The following CTDSPL variants were observed in gnomAD, a reference collection of about 807,000 sequenced individuals.
The protein encoded by CTDSPL is CTD small phosphatase-like protein.
Under a neutral mutation model 30.5 loss-of-function variants are expected in CTDSPL, and 8 were observed. The ratio of observed to expected loss-of-function variants is 0.26; its 90% CI spans 0.15 to 0.47. The LOEUF (loss-of-function observed/expected upper bound fraction) is 0.47, where lower values mean the gene tolerates loss of function less well. Among genes scored for constraint, CTDSPL ranks in the 20% least tolerant of loss-of-function variants. The pLI is 0.99. For missense variants in CTDSPL, 248 were observed against 366.1 expected, an observed-to-expected ratio of 0.68 and a Z score of 2.63; for synonymous variants, 110 against 137.9, an observed-to-expected ratio of 0.80 and a Z score of 1.42.
At chr3:37,917,860 G>C (rs1241064211) in intron 1 of CTDSPL, among the ~76,000 whole-genome samples, 2 of 152,258 alleles carry the variant, frequency 1.3e-5, no homozygotes, top group South Asian at 2.1e-4. Context: ...TTTGACAGCA[G>C]ATATCGGAGA....
intron 1 of CTDSPL, among the ~76,000 whole-genome samples, chr3:37,881,321 G>A (rs1373841777): frequency 1.3e-5 from 2 of 152,012 alleles, no homozygotes; most frequent in Non-Finnish European, 2.9e-5. Context: ...TTGAGGTTAG[G>A]AGCTCAAGAC....
intron 1 of CTDSPL, among the ~76,000 whole-genome samples, chr3:37,899,791 G>C (rs111896846): frequency 0.012 from 1,753 of 152,308 alleles, 19 homozygotes; most frequent in Non-Finnish European, 0.018. Flanking sequence ...AGTAGGTGTA[G>C]TTGTTAAAAG....
chr3:37,967,918 G>T (rs765786249), intron 5 of CTDSPL, 36 bp downstream of exon 5: 5 of 1,395,768 alleles, frequency 3.6e-6, no homozygotes, highest in Non-Finnish European at 5.0e-6. Context: ...TTTCAATTAA[G>T]ATTTTTTAGT....
chr3:37,911,095 T>A (rs1698577874), intron 1 of CTDSPL, among the ~76,000 whole-genome samples: 1 of 151,986 alleles, frequency 6.6e-6, no homozygotes, highest in Admixed American at 6.6e-5. Flanking sequence ...GACCGTAGAG[T>A]GTGCACATGC....
chr3:37,982,207 C>G lies in CTDSPL; in HGVS notation c.*1340C>G. ...ATGTGGCCCAAGTCCATCTCTTGGT[C>G]TTCTCCTTTGAAGCACAGCCTATTT... On this transcript the variant is annotated 3_prime_UTR_variant, in exon 8 of 8. Transcript: ENST00000273179. The G allele has an allele frequency of 3.2e-6, 1 of 310,080 alleles. No homozygotes were observed. The highest frequency in any genetic ancestry group is 6.4e-6 in the Non-Finnish European group (1 of 156,914). 19.2% of individuals were successfully genotyped at this position (310,080 alleles called of 1,614,324 possible). A position where few individuals can be genotyped will look rare whatever the true frequency, so the allele number is the denominator to read the frequency against.
At chr3:37,867,494 C>T (rs1239934456) in intron 1 of CTDSPL, among the ~76,000 whole-genome samples, 1 of 152,164 alleles carries the variant, frequency 6.6e-6, no homozygotes, top group Non-Finnish European at 1.5e-5. Context: ...ATTGCTGGAT[C>T]ATATGGTAGT....
intron 3 of CTDSPL, among the ~76,000 whole-genome samples, chr3:37,960,172 C>T (rs1446775146): frequency 6.6e-6 from 1 of 152,022 alleles, no homozygotes; most frequent in Admixed American, 6.6e-5. Context: ...ATGGAGAAAC[C>T]CCATCTCTAC....
chr3:37,935,960 G>A (rs1698910773), intron 1 of CTDSPL, among the ~76,000 whole-genome samples: 1 of 152,178 alleles, frequency 6.6e-6, no homozygotes, highest in African/African-American at 2.4e-5. Context: ...ATCGGAAAAT[G>A]GGTTGGTCAT....
rs574592060 is a variant in CTDSPL, at chr3:37,956,874, T to C, written c.235-237T>C. Among the ~76,000 whole-genome samples the C allele has an allele frequency of 5.3e-5, 8 of 152,284 alleles. No individual in the cohort carries two copies. The East Asian group carries it at 1.5e-3, about 29-fold the overall frequency. On this transcript the variant is annotated intron_variant, in intron 2 of 7. Transcript: ENST00000273179. ...GTGCTATTTAAATACACAAAATGGT[T>C]TGTGAGTCTCAGGAGCCCAGCCTGG...
At chr3:37,980,523 G>A (rs1699479613) in intron 7 of CTDSPL, among the ~76,000 whole-genome samples, 1 of 152,172 alleles carries the variant, frequency 6.6e-6, no homozygotes, top group Admixed American at 6.5e-5. Flanking sequence ...CACAAACTGG[G>A]TACATTTAAC....
chr3:37,918,800 C>T (rs1698678308), intron 1 of CTDSPL, among the ~76,000 whole-genome samples: 2 of 152,136 alleles, frequency 1.3e-5, no homozygotes, highest in African/African-American at 4.8e-5. Context: ...ACCCAACAAA[C>T]ATTCAAACTG....
intron 6 of CTDSPL, among the ~76,000 whole-genome samples, chr3:37,974,085 G>A (rs1699398314): frequency 6.6e-6 from 1 of 152,236 alleles, no homozygotes; most frequent in Non-Finnish European, 1.5e-5. Flanking sequence ...TAGTGATAGT[G>A]TATTTTATGT....
rs528476456 is a variant in CTDSPL, at chr3:37,983,313, A to G, written c.*2446A>G. 6 of 151,202 alleles carry G rather than the reference A, an allele frequency of 4.0e-5. No homozygotes were observed. The highest frequency in any genetic ancestry group is 3.9e-4 in the East Asian group (2 of 5,182). The allele number at this position is 151,202 out of a possible 1,614,324, so 9.4% of individuals were successfully genotyped here. A position where few individuals can be genotyped will look rare whatever the true frequency, so the allele number is the denominator to read the frequency against. On this transcript the variant is annotated 3_prime_UTR_variant, in exon 8 of 8. Transcript: ENST00000273179. ...TATATCTATATCTATATCTATATCTATATATTTTTAATCATCTACATGTAA... is the reference window on the plus strand; with the variant it reads ...TATATCTATATCTATATCTATATCTGTATATTTTTAATCATCTACATGTAA...
At chr3:37,951,716 A>G (rs1341793824) in intron 2 of CTDSPL, among the ~76,000 whole-genome samples, 1 of 152,028 alleles carries the variant, frequency 6.6e-6, no homozygotes. Context: ...ATTATTAGGA[A>G]TAGAACTAAT....
At chr3:37,890,812 C>T (rs551631243) in intron 1 of CTDSPL, among the ~76,000 whole-genome samples, 139 of 152,194 alleles carry the variant, frequency 9.1e-4, no homozygotes, top group African/African-American at 3.3e-3. Flanking sequence ...GGTTATAAGG[C>T]TGAGCGGGAG....
At chr3:37,924,312 C>CT (rs11369138) in intron 1 of CTDSPL, among the ~76,000 whole-genome samples, 28,009 of 151,656 alleles carry the variant, frequency 0.18, 3,141 homozygotes, top group African/African-American at 0.31. Context: ...AATTGGAAGA[C>CT]TTTTTTTTTA....
intron 3 of CTDSPL, among the ~76,000 whole-genome samples, chr3:37,963,345 T>G (rs568991571): frequency 6.6e-6 from 1 of 152,346 alleles, no homozygotes; most frequent in East Asian, 1.9e-4. Flanking sequence ...CATTTACTAT[T>G]GAACCAGCTA....
intron 1 of CTDSPL, among the ~76,000 whole-genome samples, chr3:37,908,973 T>G (rs575031857): frequency 6.6e-6 from 1 of 152,370 alleles, no homozygotes; most frequent in South Asian, 2.1e-4. Flanking sequence ...AATATCGATA[T>G]TTAGTCTTTG....
At chr3:37,978,767 G>A (rs1316121574) in intron 7 of CTDSPL, among the ~76,000 whole-genome samples, 2 of 152,170 alleles carry the variant, frequency 1.3e-5, no homozygotes, top group African/African-American at 2.4e-5. Flanking sequence ...AGCCATTTTT[G>A]TATGGTGCCT....
Sources: allele counts gnomAD v4.1 joint callset (sites outside exome capture counted in the v4.1 genomes callset), GRCh38; gene constraint gnomAD v4.1.1; transcripts MANE v1.5; gene names NCBI Gene and HGNC (gene_info 2026-07-23, HGNC 2026-07-21).